DGKG: variants seen among roughly 807,000 people sequenced by gnomAD.
The protein encoded by DGKG is diacylglycerol kinase gamma.
A neutral mutation model predicts 105.3 loss-of-function variants in DGKG; 78 were observed. The ratio of observed to expected loss-of-function variants is 0.74; its 90% CI spans 0.62 to 0.89. The LOEUF is 0.89. DGKG is among the 40% of genes least tolerant of loss of function. The probability of loss-of-function intolerance (pLI) is 0.00; values close to 1 mark genes in which losing one functional copy is unlikely to be tolerated. For synonymous variants in DGKG, 346 were observed against 367.1 expected, an observed-to-expected ratio of 0.94 and a Z score of 0.66; for missense variants, 958 against 1,020.1, an observed-to-expected ratio of 0.94 and a Z score of 0.83.
At chr3:186,170,706 A>G (rs767992527) in intron 22 of DGKG, among the ~76,000 whole-genome samples, 1 of 152,174 alleles carries the variant, frequency 6.6e-6, no homozygotes, top group Non-Finnish European at 1.5e-5. Context: ...GGGCACCCAA[A>G]ATACATTAGT....
intron 24 of DGKG, among the ~76,000 whole-genome samples, chr3:186,151,314 T>C (rs984034026): frequency 6.6e-6 from 1 of 152,232 alleles, no homozygotes; most frequent in Admixed American, 6.5e-5. Flanking sequence ...TTGTGGTTTT[T>C]ACCACATTAT....
At chr3:186,272,406 C>T in intron 10 of DGKG, 63 bp from the exon 11 acceptor site, 1 of 1,210,628 alleles carries the variant, frequency 8.3e-7, no homozygotes, top group Non-Finnish European at 1.2e-6. Flanking sequence ...GCCCAGCTGC[C>T]CTCCCACCCT....
At chr3:186,355,412 C>A (rs1204236304) in intron 1 of DGKG, among the ~76,000 whole-genome samples, 1 of 150,690 alleles carries the variant, frequency 6.6e-6, no homozygotes, top group Non-Finnish European at 1.5e-5. Flanking sequence ...ATCACCACCA[C>A]CACCACCACC....
intron 19 of DGKG, among the ~76,000 whole-genome samples, chr3:186,249,108 A>T (rs1389566138): frequency 6.6e-6 from 1 of 152,040 alleles, no homozygotes; most frequent in Non-Finnish European, 1.5e-5. Context: ...CCGGTCCAAA[A>T]AGGAGAGGGG....
rs568789003 is a variant in DGKG, at chr3:186,330,170, ATT to A, written c.-248-9465_-248-9464del. Among the ~76,000 whole-genome samples, 44 of 152,350 alleles carry A rather than the reference ATT, an allele frequency of 2.9e-4. 1 individual carries two copies. Among genetic ancestry groups the A allele is most frequent in the Middle Eastern group, 6.8e-3 (2 of 294 alleles). On this transcript the variant is annotated intron_variant, in intron 1 of 24. Coordinates refer to ENST00000265022, the MANE Select transcript of DGKG (RefSeq NM_001346.3). ...GATAGTATCACTTACAAGTCACTTA[ATT>A]TACCATAAAATATACATCAACACTC...
intron 5 of DGKG, among the ~76,000 whole-genome samples, chr3:186,295,255 C>A (rs13085071): frequency 0.26 from 39,940 of 151,958 alleles, 5,823 homozygotes; most frequent in Non-Finnish European, 0.34. Context: ...ATAATCCCAG[C>A]ACTTTGGGAG....
intron 2 of DGKG, among the ~76,000 whole-genome samples, chr3:186,312,931 T>C (rs965904002): frequency 5.9e-5 from 9 of 152,224 alleles, no homozygotes; most frequent in Non-Finnish European, 2.9e-5. Flanking sequence ...CCATCTAAAC[T>C]TTGTTTCTGC....
At chr3:186,298,464 G>T (rs1181107971) in intron 3 of DGKG, among the ~76,000 whole-genome samples, 1 of 152,148 alleles carries the variant, frequency 6.6e-6, no homozygotes, top group Non-Finnish European at 1.5e-5. Flanking sequence ...GCATATTGGG[G>T]CTTGGTGGGG....
intron 21 of DGKG, among the ~76,000 whole-genome samples, chr3:186,191,679 G>T (rs971065147): frequency 6.6e-6 from 1 of 152,182 alleles, no homozygotes; most frequent in Non-Finnish European, 1.5e-5. Flanking sequence ...TTCAAACGTT[G>T]TCTAGCATTC....
intron 1 of DGKG, among the ~76,000 whole-genome samples, chr3:186,352,089 C>A (rs770652046): frequency 6.6e-6 from 1 of 152,064 alleles, no homozygotes; most frequent in South Asian, 2.1e-4. Flanking sequence ...CCTCCCCACT[C>A]CCCCCAGGCA....
At chr3:186,352,391 T>A (rs991963064) in intron 1 of DGKG, among the ~76,000 whole-genome samples, 1 of 152,174 alleles carries the variant, frequency 6.6e-6, no homozygotes, top group Non-Finnish European at 1.5e-5. Flanking sequence ...TTGATCTAGA[T>A]ACATGGAAAT....
intron 1 of DGKG, among the ~76,000 whole-genome samples, chr3:186,353,250 T>C (rs2060894861): frequency 6.6e-6 from 1 of 152,082 alleles, no homozygotes; most frequent in Admixed American, 6.6e-5. Context: ...TGGCTGGGCA[T>C]GGTGGCTCAT....
intron 1 of DGKG, among the ~76,000 whole-genome samples, chr3:186,336,583 G>T (rs1344999740): frequency 6.6e-6 from 1 of 152,092 alleles, no homozygotes; most frequent in East Asian, 1.9e-4. Context: ...GCCAGAGAGG[G>T]CAGTAATAAA....
chr3:186,224,539 G>A (rs180885939), intron 20 of DGKG, among the ~76,000 whole-genome samples: 110 of 152,262 alleles, frequency 7.2e-4, no homozygotes, highest in Admixed American at 7.1e-3. Flanking sequence ...CAATGAATTC[G>A]GTAAAATATT....
At chr3:186,354,820 G>A (rs1477693153) in intron 1 of DGKG, among the ~76,000 whole-genome samples, 2 of 152,150 alleles carry the variant, frequency 1.3e-5, no homozygotes, top group East Asian at 1.9e-4. Flanking sequence ...GAAGGCACTG[G>A]TCAGAGTGGT....
At chr3:186,355,458 C>A (rs1726895953) in intron 1 of DGKG, among the ~76,000 whole-genome samples, 1 of 151,062 alleles carries the variant, frequency 6.6e-6, no homozygotes, top group South Asian at 2.1e-4. Flanking sequence ...TCATCACCAC[C>A]ATTATCATAA....
intron 5 of DGKG, among the ~76,000 whole-genome samples, chr3:186,290,431 A>G (rs947686190): frequency 6.6e-6 from 1 of 152,222 alleles, no homozygotes; most frequent in African/African-American, 2.4e-5. Context: ...TTAAAACTCT[A>G]TCAGTGACTT....
At chr3:186,273,175 C>G (rs977409200) in intron 10 of DGKG, among the ~76,000 whole-genome samples, 1 of 152,084 alleles carries the variant, frequency 6.6e-6, no homozygotes, top group African/African-American at 2.4e-5. Flanking sequence ...TGCAGTAGTA[C>G]ATGAGATAGT....
rs1553794931 is a variant in DGKG, at chr3:186,148,959, T to TA, written c.*1130_*1131insT. On this transcript the variant is annotated 3_prime_UTR_variant, in exon 25 of 25. Coordinates refer to ENST00000265022, the MANE Select transcript of DGKG (RefSeq NM_001346.3). The stretch of plus-strand genomic sequence containing the variant: ...GAAAAGTCCATCAGTAAATAAATAT[T>TA]TATATATATATATATATAAATATAT... 24 of 625,552 alleles carry TA rather than the reference T, an allele frequency of 3.8e-5. No individual in the cohort carries two copies. The East Asian group carries it at 1.2e-3, about 32-fold the overall frequency. The allele number at this position is 625,552 out of a possible 1,614,324, so 38.8% of individuals were successfully genotyped here.
Sources: gnomAD v4.1 joint callset for allele counts (sites outside exome capture counted in the v4.1 genomes callset) on GRCh38, gnomAD v4.1.1 for gene constraint, MANE v1.5 for transcripts, NCBI Gene and HGNC (gene_info 2026-07-23, HGNC 2026-07-21) for gene names.